Variants in ESRRG observed in about 807,000 individuals in gnomAD.
ESRRG encodes the protein estrogen-related receptor gamma.
A neutral mutation model predicts 44.0 loss-of-function variants in ESRRG; 13 were observed. The observed-to-expected ratio is 0.30, with a 90% confidence interval of 0.19 to 0.47. The LOEUF is 0.47. Ranked by LOEUF, ESRRG falls within the 20% of genes least tolerant of loss-of-function variation. ESRRG has a pLI of 1.00. For synonymous variants in ESRRG, 215 were observed against 214.6 expected (o/e 1.00, Z -0.02); for missense variants, 395 against 580.6 (o/e 0.68, Z 3.29).
chr1:217,128,901 C>T (rs558412366), intron 1 of ESRRG, among the ~76,000 whole-genome samples: 11 of 152,100 alleles, frequency 7.2e-5, no homozygotes, highest in African/African-American at 1.4e-4. Context: ...TCTCCTCAGG[C>T]GGAGGTAGGA....
At position 217,121,119 on chromosome 1, in the gene ESRRG, TACACACACACACAC is replaced by T. The variant is rs71163790; in HGVS notation, c.-230+16534_-230+16547del. ...GTCAGCTGTGTCGGGTCTTGAAGAA[TACACACACACACAC>T]ACACACACACACACACACTCATTTA... On this transcript the variant is annotated intron_variant, in intron 1 of 8. Transcript: ENST00000366940. Among the ~76,000 whole-genome samples the T allele has an allele frequency of 3.7e-4, 55 of 148,458 alleles. 1 individual carries two copies. The South Asian group carries it at 0.011, about 30-fold the overall frequency.
chr1:216,891,052 A>G (rs554548445), intron 2 of ESRRG, among the ~76,000 whole-genome samples: 1 of 152,276 alleles, frequency 6.6e-6, no homozygotes, highest in South Asian at 2.1e-4. Context: ...TCAAGAAAAA[A>G]CATATGGACG....
chr1:217,129,187 T>C (rs1248582699), intron 1 of ESRRG, among the ~76,000 whole-genome samples: 1 of 152,202 alleles, frequency 6.6e-6, no homozygotes, highest in Admixed American at 6.5e-5. Context: ...AGACTCTGAA[T>C]AGACATTTCT....
chr1:216,969,418 CAT>C (rs141239259), intron 1 of ESRRG, among the ~76,000 whole-genome samples: 2,440 of 151,868 alleles, frequency 0.016, 53 homozygotes, highest in African/African-American at 0.055. Flanking sequence ...TGAAAAAAAA[CAT>C]AGAAAAAAAC....
At chr1:216,760,141 C>T (rs1407665242) in intron 2 of ESRRG, among the ~76,000 whole-genome samples, 2 of 151,924 alleles carry the variant, frequency 1.3e-5, no homozygotes, top group African/African-American at 2.4e-5. Flanking sequence ...ACATTGTCTC[C>T]CCAGCGCAAG....
intron 1 of ESRRG, chr1:217,000,416 G>A (rs2076874465): frequency 6.6e-6 from 1 of 152,058 alleles, no homozygotes; most frequent in Non-Finnish European, 1.5e-5. Flanking sequence ...ATCTTTATGT[G>A]GCATTCTCCC....
chr1:216,612,692 C>T (rs930155466), intron 3 of ESRRG, among the ~76,000 whole-genome samples: 1 of 152,130 alleles, frequency 6.6e-6, no homozygotes, highest in African/African-American at 2.4e-5. Flanking sequence ...ACTTTACACT[C>T]CTCAAAATCC....
At chr1:216,821,484 G>A (rs2095286158) in intron 2 of ESRRG, among the ~76,000 whole-genome samples, 1 of 151,652 alleles carries the variant, frequency 6.6e-6, no homozygotes, top group Admixed American at 6.6e-5. Flanking sequence ...CCAGGAGTTT[G>A]AGAGCAGCCT....
chr1:216,883,096 G>A (rs752922424), intron 2 of ESRRG, among the ~76,000 whole-genome samples: 22 of 152,148 alleles, frequency 1.4e-4, no homozygotes, highest in Non-Finnish European at 2.9e-4. Context: ...ACTTTGCTCA[G>A]GCTGGGCGCA....
At chr1:217,078,931 A>G (rs1467012949) in intron 1 of ESRRG, among the ~76,000 whole-genome samples, 1 of 152,238 alleles carries the variant, frequency 6.6e-6, no homozygotes, top group East Asian at 1.9e-4. Context: ...GAAACTGGGG[A>G]TGGCTGCAAA....
chr1:217,039,270 C>T (rs539632122), intron 1 of ESRRG, among the ~76,000 whole-genome samples: 1 of 152,204 alleles, frequency 6.6e-6, no homozygotes, highest in Non-Finnish European at 1.5e-5. Flanking sequence ...GTCTCTTCCA[C>T]ATTTTCAGGT....
intron 1 of ESRRG, among the ~76,000 whole-genome samples, chr1:217,117,599 T>C (rs192816451): frequency 1.4e-4 from 21 of 151,900 alleles, no homozygotes; most frequent in African/African-American, 4.6e-4. Flanking sequence ...AATAAATAAA[T>C]AAATAAACAA....
At chr1:217,047,177 T>C (rs908285036) in intron 1 of ESRRG, among the ~76,000 whole-genome samples, 1 of 152,130 alleles carries the variant, frequency 6.6e-6, no homozygotes, top group Admixed American at 6.5e-5. Context: ...CATCTTCTAA[T>C]TTAATACCCA....
In ESRRG at chr1:216,831,255, C is replaced by T. The variant is rs146431364; in HGVS notation, c.-14+108327G>A. ...AGGCTTGGTTATTAGCACCGATCAA[C>T]TGTTAATTAAAATAAAATGAAGCTT... On this transcript the variant is annotated intron_variant, in intron 2 of 7. Transcript: ENST00000359162. 2.0e-3 allele frequency among the ~76,000 whole-genome samples: 308 copies of T among 152,106 alleles called. 1 individual carries two copies. Among genetic ancestry groups the T allele is most frequent in the East Asian group, 5.8e-3 (30 of 5,164 alleles).
intron 1 of ESRRG, among the ~76,000 whole-genome samples, chr1:217,003,450 G>A (rs1560436134): frequency 6.6e-6 from 1 of 151,522 alleles, no homozygotes; most frequent in African/African-American, 2.4e-5. Context: ...TCTGGGCCAC[G>A]TTTGTTTTGT....
intron 2 of ESRRG, among the ~76,000 whole-genome samples, chr1:216,669,084 T>C (rs1284362679): frequency 1.3e-5 from 2 of 150,450 alleles, no homozygotes; most frequent in Non-Finnish European, 3.0e-5. Context: ...GAGTGTTTTT[T>C]TATATTTTTA....
intron 3 of ESRRG, among the ~76,000 whole-genome samples, chr1:216,579,036 T>C (rs1260732933): frequency 6.6e-6 from 1 of 152,150 alleles, no homozygotes; most frequent in African/African-American, 2.4e-5. Flanking sequence ...AACACAAATA[T>C]GAAAATACTA....
chr1:217,092,062 A>G (rs558350355), upstream of ESRRG, among the ~76,000 whole-genome samples: 20 of 152,298 alleles, frequency 1.3e-4, no homozygotes, highest in African/African-American at 2.9e-4. Context: ...CAGGAGTGAG[A>G]TGTTTGAGCA....
At chr1:217,008,695 G>A (rs534639681) in intron 1 of ESRRG, among the ~76,000 whole-genome samples, 1 of 152,270 alleles carries the variant, frequency 6.6e-6, no homozygotes, top group South Asian at 2.1e-4. Context: ...AAATCTTAAA[G>A]GTTTTATTTT....
Sources: gnomAD v4.1 joint callset for allele counts (sites outside exome capture counted in the v4.1 genomes callset) on GRCh38, gnomAD v4.1.1 for gene constraint, MANE v1.5 for transcripts, NCBI Gene and HGNC (gene_info 2026-07-23, HGNC 2026-07-21) for gene names.